The following SZT2 variants were observed in gnomAD, a reference collection of about 807,000 sequenced individuals.
SZT2 encodes the protein KICSTOR complex protein SZT2.
A neutral mutation model predicts 404.2 loss-of-function variants in SZT2; 216 were observed. The observed-to-expected ratio is 0.53, with a 90% CI of 0.48 to 0.60. The LOEUF (loss-of-function observed/expected upper bound fraction) is 0.60. Among genes scored for constraint, SZT2 ranks in the 20% least tolerant of loss-of-function variants. The probability of loss-of-function intolerance (pLI) is 0.00; values close to 1 mark genes in which losing one functional copy is unlikely to be tolerated. For synonymous variants in SZT2, 1,693 were observed against 1,749.9 expected (o/e 0.97, Z 0.81); for missense variants, 3,857 against 4,459.2 (o/e 0.86, Z 3.85).
intron 66 of SZT2, 140 bp downstream of exon 66, chr1:43,447,308 T>C: frequency 8.8e-7 from 1 of 1,136,188 alleles, no homozygotes; most frequent in Non-Finnish European, 1.2e-6. Context: ...CACGTCCCCA[T>C]GTTTCTGTCC....
At position 43,451,109 on chromosome 1, in the gene SZT2, G is replaced by T; in HGVS notation, c.*629G>T. ...AGGGAAGCAGCAGAGAAACTGAAGT[G>T]TTAGACACTATGTGTCCCACCACCC... On this transcript the variant is annotated 3_prime_UTR_variant, in exon 72 of 72. Transcript: ENST00000634258. 1.1e-6 allele frequency: 1 copy of T among 935,990 alleles called. No homozygotes were observed. The allele number at this position is 935,990 out of a possible 1,614,324, so 58.0% of individuals were successfully genotyped here.
At chr1:43,421,387 T>G in intron 11 of SZT2, 84 bp downstream of exon 11, 1 of 1,536,954 alleles carries the variant, frequency 6.5e-7, no homozygotes, top group East Asian at 2.3e-5. Context: ...CCACCTTCTA[T>G]TCCTTTCTGT....
chr1:43,453,540 C>T lies in SZT2; in HGVS notation c.*3060C>T. On this transcript the variant is annotated 3_prime_UTR_variant, in exon 72 of 72. Coordinates refer to ENST00000634258, the MANE Select transcript of SZT2 (RefSeq NM_001365999.1). ...CTCAGCCCCCGGCTCGGACACTCCCCTGCCCGCGCCCCGGCACCCCCCAGC... is the reference window on the plus strand; with the variant it reads ...CTCAGCCCCCGGCTCGGACACTCCCTTGCCCGCGCCCCGGCACCCCCCAGC... 6.6e-7 allele frequency: 1 copy of T among 1,523,824 alleles called. No homozygotes were observed. Among genetic ancestry groups the T allele is most frequent in the Non-Finnish European group, 8.8e-7 (1 of 1,132,014 alleles). The allele number at this position is 1,523,824 out of a possible 1,614,324, so 94.4% of individuals were successfully genotyped here.
Position 43,453,915 on chromosome 1 carries a change from TG to T in SZT2, c.*3437del. The stretch of plus-strand genomic sequence containing the variant: ...CCTGCGAACGAACGAGCACTGTTCG[TG>T]GTTAGAAAAGCGAAGTGCTGTAAAA... On this transcript the variant is annotated 3_prime_UTR_variant, in exon 72 of 72. Coordinates refer to ENST00000634258, the MANE Select transcript of SZT2 (RefSeq NM_001365999.1). 8.3e-7 allele frequency: 1 copy of T among 1,209,248 alleles called. No homozygotes were observed. The highest frequency in any genetic ancestry group is 3.4e-5 in the East Asian group (1 of 29,062). 74.9% of individuals were successfully genotyped at this position (1,209,248 alleles called of 1,614,324 possible).
At chr1:43,399,233 A>G (rs1384625263) in intron 1 of SZT2, among the ~76,000 whole-genome samples, 1 of 152,208 alleles carries the variant, frequency 6.6e-6, no homozygotes, top group African/African-American at 2.4e-5. Context: ...GATCCCTTGA[A>G]ATACAACTAA....
At position 43,447,150 on chromosome 1, in the gene SZT2, C is replaced by T. The variant is rs758488419; in HGVS notation, c.9268C>T (p.Arg3090Cys). ...AHHPDGPHFG[R>C]NHIYQGTLEL... is the part of the protein sequence containing the mutation. ...CCACCCTGACGGACCCCACTTTGGC[C>T]GCAATCACATTTACCAAGGTCAGTG... is the stretch of plus-strand genomic sequence containing the variant. Residue 3090 changes from arginine (R) to cysteine (C), a missense_variant, in exon 66 of 72, where the codon CGC becomes TGC. Around this residue, in one of 7 missense-constraint regions of SZT2, gnomAD observed 717 missense variants for 868.2 expected, o/e 0.83. Coordinates refer to ENST00000634258, the MANE Select transcript of SZT2 (RefSeq NM_001365999.1). The T allele has an allele frequency of 3.7e-6, 6 of 1,612,620 alleles. No homozygotes were observed. Among genetic ancestry groups the T allele is most frequent in the Non-Finnish European group, 3.4e-6 (4 of 1,179,790 alleles).
At position 43,432,749 on chromosome 1, in the gene SZT2, G is replaced by C. The variant is rs778064948; in HGVS notation, c.5552G>C (p.Arg1851Pro). 2 of 1,613,880 alleles carry C rather than the reference G, an allele frequency of 1.2e-6. No individual in the cohort carries two copies. Among genetic ancestry groups the C allele is most frequent in the South Asian group, 1.1e-5 (1 of 91,040 alleles). Residue 1851 changes from arginine (R) to proline (P), a missense_variant, in exon 39 of 72, where the codon CGG becomes CCG. Around this residue, in one of 7 missense-constraint regions of SZT2, gnomAD observed 1,725 missense variants for 1,881.0 expected, o/e 0.92. Transcript: ENST00000634258. ...PQGGSQPGPS[R>P]GLSLMSSQGS... ...CCAGGGAGTCAGCCTGGGCCCAGCC[G>C]GGGATTAAGTCTCATGTCCAGTCAG...
At position 43,453,871 on chromosome 1, in the gene SZT2, C is replaced by T. The variant is rs1168606380; in HGVS notation, c.*3391C>T. 61 of 1,218,396 alleles carry T rather than the reference C, an allele frequency of 5.0e-5. No homozygotes were observed. Among genetic ancestry groups the T allele is most frequent in the Non-Finnish European group, 5.8e-5 (57 of 982,240 alleles). The allele number at this position is 1,218,396 out of a possible 1,614,324, so 75.5% of individuals were successfully genotyped here. A position where few individuals can be genotyped will look rare whatever the true frequency, so the allele number is the denominator to read the frequency against. On this transcript the variant is annotated 3_prime_UTR_variant, in exon 72 of 72. Coordinates refer to ENST00000634258, the MANE Select transcript of SZT2 (RefSeq NM_001365999.1). ...GCGGGCGGCGGGCGGCGGGCGGGGG[C>T]GGGGCTCTCCTTGCTGGCCCTGCGA...
In SZT2 at chr1:43,415,101, T is replaced by C; in HGVS notation, c.518T>C (p.Leu173Pro). 2 of 1,598,116 alleles carry C rather than the reference T, an allele frequency of 1.3e-6. No individual in the cohort carries two copies. The highest frequency in any genetic ancestry group is 1.1e-5 in the South Asian group (1 of 91,052). ...QSHQVLVQGC[L>P]LDPSQREVFL... is the part of the protein sequence containing the mutation. ...TCTTAGGTGCTGGTACAGGGCTGCCTCTTGGACCCTTCCCAGCGGGAGGTG... is the reference window on the plus strand; with the variant it reads ...TCTTAGGTGCTGGTACAGGGCTGCCCCTTGGACCCTTCCCAGCGGGAGGTG... The change falls in exon 5 of 72, where the codon CTC (leucine) becomes CCC (proline). Residue 173 changes from leucine (L) to proline (P), a missense_variant. By Grantham distance (98) the Leu-to-Pro change is moderately conservative. Coordinates refer to ENST00000634258, the MANE Select transcript of SZT2 (RefSeq NM_001365999.1).
In SZT2 at chr1:43,428,029, C is replaced by T. The variant is rs973840792; in HGVS notation, c.3830C>T (p.Pro1277Leu). 2 of 1,614,166 alleles carry T rather than the reference C, an allele frequency of 1.2e-6. No individual in the cohort carries two copies. Among genetic ancestry groups the T allele is most frequent in the African/African-American group, 1.3e-5 (1 of 75,050 alleles). ...ACTCAGTTCCTCGACCACCCCTCCC[C>T]ATCCTCAGCCTGGATGGAACCCCGG... ...FRTQFLDHPS[P>L]SSAWMEPRYK... is the part of the protein sequence containing the mutation. Residue 1277 changes from proline to leucine, a missense_variant, in exon 27 of 72, where the codon CCA (proline) becomes CTA (leucine). Pro to Leu is a moderately conservative substitution (Grantham distance 98, BLOSUM62 -3). Transcript: ENST00000634258.
In SZT2 at chr1:43,403,130, A is replaced by G. The variant is rs750082090; in HGVS notation, c.28-47A>G. 22 of 1,600,306 alleles carry G rather than the reference A, an allele frequency of 1.4e-5. No individual in the cohort carries two copies. In the East Asian group the frequency reaches 4.0e-4, roughly 29 times the overall value. On this transcript the variant is annotated intron_variant, in intron 1 of 71. Transcript: ENST00000634258. ...GGACAGTGATCTGTGTGTTCCAGGT[A>G]CTCGGTGCCATTTTTTAAAGATGTA... is the stretch of plus-strand genomic sequence containing the variant.
chr1:43,425,471 T>G lies in SZT2; in HGVS notation c.2646-3T>G. On this transcript the variant is annotated splice_region_variant and splice_polypyrimidine_tract_variant and intron_variant, in intron 18 of 71. Coordinates refer to ENST00000634258, the MANE Select transcript of SZT2 (RefSeq NM_001365999.1). The surrounding 1 kb of genome is among the most constrained non-coding windows in gnomAD (Gnocchi z 4.3). ...ATTGGACTCAGAGCCCTTCCTCCTT[T>G]AGCTTCTCGACAGATGATGACAATG... 6.2e-7 allele frequency: 1 copy of G among 1,614,100 alleles called. No individual in the cohort carries two copies.
intron 1 of SZT2, among the ~76,000 whole-genome samples, chr1:43,401,069 G>T (rs919058146): frequency 2.6e-5 from 4 of 152,026 alleles, no homozygotes; most frequent in Non-Finnish European, 5.9e-5. Context: ...CTACAGGCAC[G>T]AGCCACTACG....
chr1:43,420,183 T>C lies in SZT2; in HGVS notation c.1121T>C (p.Leu374Pro). The stretch of plus-strand genomic sequence containing the variant: ...CAGCACCGCCTATTTAATGAGCACC[T>C]GGTCTCTGCAAGCAGCAACCCTGCC... ...GSQHRLFNEH[L>P]VSASSNPALA... The change falls in exon 9 of 72, where the codon CTG (leucine) becomes CCG (proline). Residue 374 changes from leucine to proline, a missense_variant. Transcript: ENST00000634258. This position sits in a 1 kb window ranked among gnomAD's most constrained non-coding sequence, Gnocchi z 5.1. 1 of 1,598,494 alleles carries C rather than the reference T, an allele frequency of 6.3e-7. No homozygotes were observed. The highest frequency in any genetic ancestry group is 8.5e-7 in the Non-Finnish European group (1 of 1,179,814).
At position 43,422,574 on chromosome 1, in the gene SZT2, C is replaced by T. The variant is rs1040622648; in HGVS notation, c.1864C>T (p.Arg622Trp). ...ISHSSLTSLL[R>W]DWSSFVLVEG... is the part of the protein sequence containing the mutation. ...CCACTCCTCCCTGACCTCTCTGCTG[C>T]GGGACTGGAGCAGCTTCGTACTAGT... The change falls in exon 13 of 72, where the codon CGG becomes TGG. Residue 622 changes from arginine to tryptophan, a missense_variant. Physicochemically the swap from Arg to Trp is moderately radical, Grantham distance 101. This residue lies in a region of SZT2 where 1,725 missense variants were observed against 1,881.0 expected (regional missense o/e 0.92). Coordinates refer to ENST00000634258, the MANE Select transcript of SZT2 (RefSeq NM_001365999.1). 18 of 1,598,042 alleles carry T rather than the reference C, an allele frequency of 1.1e-5. No individual in the cohort carries two copies. The highest frequency in any genetic ancestry group is 2.2e-5 in the East Asian group (1 of 44,874).
Position 43,427,611 on chromosome 1 carries a change from CAGAG to C in SZT2, c.3683_3686del (p.Glu1228ValfsTer21), listed in dbSNP as rs1451523206. The C allele has an allele frequency of 1.2e-6, 2 of 1,614,136 alleles. No individual in the cohort carries two copies. Among genetic ancestry groups the C allele is most frequent in the African/African-American group, 1.3e-5 (1 of 74,958 alleles). On this transcript the variant is annotated frameshift_variant, in exon 26 of 72. Coordinates refer to ENST00000634258, the MANE Select transcript of SZT2 (RefSeq NM_001365999.1). LOFTEE classifies it high-confidence loss of function. ...TACGCTGGGCGTCAGGCTTCCCAGA[CAGAG>C]AGTGCGGATGGGCCCCGGACCCGGT...
In SZT2 at chr1:43,439,198, A is replaced by G; in HGVS notation, c.6792+105A>G. 1 of 1,553,372 alleles carries G rather than the reference A, an allele frequency of 6.4e-7. No homozygotes were observed. The highest frequency in any genetic ancestry group is 1.2e-5 in the South Asian group (1 of 86,278). ...CCCCTATATGTACCTTTGCCCATGG[A>G]CCTGGGTACACCCATGCCCCCCCGG... is the stretch of plus-strand genomic sequence containing the variant. On this transcript the variant is annotated intron_variant, in intron 48 of 71. Coordinates refer to ENST00000634258, the MANE Select transcript of SZT2 (RefSeq NM_001365999.1). This position sits in a 1 kb window ranked among gnomAD's most constrained non-coding sequence, Gnocchi z 4.2.
Position 43,441,507 on chromosome 1 carries a change from C to T in SZT2, c.7515C>T (p.Arg2505=), listed in dbSNP as rs540964559. 2 of 1,613,502 alleles carry T rather than the reference C, an allele frequency of 1.2e-6. No homozygotes were observed. Among genetic ancestry groups the T allele is most frequent in the Admixed American group, 3.3e-5 (2 of 59,966 alleles). ...CTCTTACTCCCACTGTCTTCAGGCG[C>T]CGGACAACACAGCTAGAAGAGGGTG... ...GSDSGAQRQK[R]RTTQLEEGEV... Residue 2505 remains arginine, a synonymous_variant, in exon 54 of 72, where the codon CGC becomes CGT. Coordinates refer to ENST00000634258, the MANE Select transcript of SZT2 (RefSeq NM_001365999.1). This position sits in a 1 kb window ranked among gnomAD's most constrained non-coding sequence, Gnocchi z 4.8.
rs561777385 is a variant in SZT2, at chr1:43,450,979, G to A, written c.*499G>A. On this transcript the variant is annotated 3_prime_UTR_variant, in exon 72 of 72. Transcript: ENST00000634258. This position sits in a 1 kb window ranked among gnomAD's most constrained non-coding sequence, Gnocchi z 4.3. ...TGCCTTTGAAGCACTTGTGGCCACC[G>A]TCAAGTCCCTTTGCTCTCGGACCCT... 39 of 763,768 alleles carry A rather than the reference G, an allele frequency of 5.1e-5. No homozygotes were observed. The highest frequency in any genetic ancestry group is 9.7e-5 in the East Asian group (4 of 41,126). 47.3% of individuals were successfully genotyped at this position (763,768 alleles called of 1,614,324 possible). A position where few individuals can be genotyped will look rare whatever the true frequency, so the allele number is the denominator to read the frequency against.
Sources: allele counts gnomAD v4.1 joint callset (sites outside exome capture counted in the v4.1 genomes callset), GRCh38; gene constraint gnomAD v4.1.1; regional missense constraint gnomAD v4.1.1; non-coding constraint Gnocchi (gnomAD v3.1); transcripts MANE v1.5; gene names NCBI Gene and HGNC (gene_info 2026-07-23, HGNC 2026-07-21).